TTN: variants seen among roughly 807,000 people sequenced by gnomAD.
TTN encodes the protein titin, also known as connectin.
Under a neutral mutation model 3,223.0 loss-of-function variants are expected in TTN, and 1,525 were observed. The observed-to-expected ratio is 0.47, with a 90% CI of 0.45 to 0.49. The LOEUF (loss-of-function observed/expected upper bound fraction) is 0.49. TTN is among the 20% of genes least tolerant of loss of function. The pLI is 0.00. For synonymous variants in TTN, 14,094 were observed against 15,161.0 expected (o/e 0.93, Z 5.17); for missense variants, 40,786 against 43,424.0 (o/e 0.94, Z 5.40).
At chr2:178,695,532 C>T (rs780946988) in intron 114 of TTN, 122 bp from the exon 115 acceptor site, 12 of 735,688 alleles carry the variant, frequency 1.6e-5, no homozygotes, top group South Asian at 6.8e-5. Context: ...TATTTGGGAT[C>T]GTTATTACCA....
rs76791946 is a variant in TTN, at chr2:178,743,153, T to C, written c.11312-1232A>G. Among the ~76,000 whole-genome samples the C allele has an allele frequency of 1.2e-3, 178 of 152,104 alleles. 1 individual carries two copies. Among genetic ancestry groups the C allele is most frequent in the African/African-American group, 4.1e-3 (172 of 41,546 alleles). On this transcript the variant is annotated intron_variant, in intron 47 of 362. Coordinates refer to ENST00000589042, the MANE Select transcript of TTN (RefSeq NM_001267550.2). ...GTTAAAATACCCTTACTCACTACTA[T>C]GTTGAACTATTTGCAAATATTTTAC... is the stretch of plus-strand genomic sequence containing the variant.
In TTN at chr2:178,692,038, C is replaced by A. The variant is rs772850520; in HGVS notation, c.31740G>T (p.Lys10580Asn). 16 of 1,612,710 alleles carry A rather than the reference C, an allele frequency of 9.9e-6. No individual in the cohort carries two copies. The African/African-American group carries it at 2.1e-4, about 22-fold the overall frequency. The change falls in exon 121 of 363, where the codon AAG (lysine) becomes AAT (asparagine). Residue 10580 changes from lysine (K) to asparagine (N), a missense_variant. Physicochemically the swap from Lys to Asn is moderately conservative, Grantham distance 94 (BLOSUM62 0). Transcript: ENST00000589042. Reference protein sequence around the residue: ...EEKKPVPVPKKEPAAPPKVPE... With the variant: ...EEKKPVPVPKNEPAAPPKVPE... Reference sequence around the variant, plus strand: ...TACCTTTTGGGGGAGCAGCAGGTTCCTTCTTAGGCACAGGAACTGGCTTTT... The same window carrying A: ...TACCTTTTGGGGGAGCAGCAGGTTCATTCTTAGGCACAGGAACTGGCTTTT...
intron 1 of TTN, 66 bp from the exon 2 acceptor site, chr2:178,804,721 A>G: frequency 1.4e-6 from 2 of 1,439,124 alleles, no homozygotes; most frequent in South Asian, 2.3e-5. Flanking sequence ...TGCTTTGCAG[A>G]TAGCAGAGAC....
rs374033036 is a variant in TTN, at chr2:178,569,030, G to A, written c.77102C>T (p.Pro25701Leu). 1.2e-6 allele frequency: 2 copies of A among 1,613,240 alleles called. No individual in the cohort carries two copies. The highest frequency in any genetic ancestry group is 2.7e-5 in the African/African-American group (2 of 74,974). ...ATCATCCACAGTTATTTTTCCAGGA[G>A]GTTGTGGCACTTCTGCAACCTTAAT... ...DPIKVAEVPQ[P>L]PGKITVDDVT... The change falls in exon 326 of 363, where the codon CCT becomes CTT. Residue 25701 changes from proline (P) to leucine (L), a missense_variant. Pro to Leu is a moderately conservative substitution (Grantham distance 98). Transcript: ENST00000589042.
chr2:178,545,310 T>G, intron 344 of TTN, 78 bp downstream of exon 344: 1 of 1,364,082 alleles, frequency 7.3e-7, no homozygotes, highest in Non-Finnish European at 9.7e-7. Flanking sequence ...TAAAAATTCT[T>G]AGAGATTGTG....
At chr2:178,806,846 G>T (rs2094339652) in intron 1 of TTN, among the ~76,000 whole-genome samples, 1 of 152,256 alleles carries the variant, frequency 6.6e-6, no homozygotes, top group South Asian at 2.1e-4. Flanking sequence ...GCTATTCTTG[G>T]TGTGCTTAAC....
chr2:178,758,526 G>A (rs892458704), intron 44 of TTN, among the ~76,000 whole-genome samples: 3 of 152,194 alleles, frequency 2.0e-5, no homozygotes, highest in Admixed American at 6.5e-5. Context: ...AGAGGAGGAT[G>A]AATATAGCTC....
Position 178,775,945 on chromosome 2 carries a change from G to T in TTN, c.5919C>A (p.Thr1973=). 1 of 1,614,074 alleles carries T rather than the reference G, an allele frequency of 6.2e-7. No individual in the cohort carries two copies. The highest frequency in any genetic ancestry group is 1.1e-5 in the South Asian group (1 of 91,074). The change falls in exon 28 of 363, where the codon ACC becomes ACA. Residue 1973 remains threonine, a synonymous_variant. Transcript: ENST00000589042. Reference sequence around the variant, plus strand: ...CCCTTTTCAACTTCACAACTTCTTTGGTTTCAGTGGTGTCAACAGGTCTAT... The same window carrying T: ...CCCTTTTCAACTTCACAACTTCTTTTGTTTCAGTGGTGTCAACAGGTCTAT... ...KVDRPVDTTE[T]KEVVKLKRAE...
rs1687468983 is a variant in TTN at position 178,528,386 on chromosome 2, A to C, written c.107265T>G (p.Asn35755Lys). The change falls in exon 361 of 363, where the codon AAT becomes AAG. Residue 35755 changes from asparagine to lysine, a missense_variant. Asn to Lys is a moderately conservative substitution (Grantham distance 94). Coordinates refer to ENST00000589042, the MANE Select transcript of TTN (RefSeq NM_001267550.2). ...SSNVSISRSR[N>K]VYSLEIRNAS... Reference sequence around the variant, plus strand: ...CATTTCGGATTTCAAGGGAGTATACATTTCTGGAGCGGCTTATGCTGACAT... The same window carrying C: ...CATTTCGGATTTCAAGGGAGTATACCTTTCTGGAGCGGCTTATGCTGACAT... 6.2e-7 allele frequency: 1 copy of C among 1,613,850 alleles called. No individual in the cohort carries two copies. Among genetic ancestry groups the C allele is most frequent in the African/African-American group, 1.3e-5 (1 of 74,928 alleles).
chr2:178,750,855 C>T, intron 47 of TTN: 2 of 1,613,070 alleles, frequency 1.2e-6, no homozygotes, highest in South Asian at 2.2e-5. Context: ...GATGACTCTC[C>T]AATTGTAGTA....
chr2:178,699,723 A>AT (rs58607203), intron 111 of TTN, among the ~76,000 whole-genome samples: 1,213 of 58,132 alleles, frequency 0.021, 42 homozygotes, highest in African/African-American at 0.07. Flanking sequence ...CTCTTTTTTA[A>AT]TTTTTTTTTT....
intron 220 of TTN, 48 bp downstream of exon 220, chr2:178,641,193 T>C: frequency 8.0e-7 from 1 of 1,244,762 alleles, no homozygotes. Flanking sequence ...TTGTTAAATG[T>C]CCATTTTGTT....
At position 178,717,435 on chromosome 2, in the gene TTN, C is replaced by T. The variant is rs62178977; in HGVS notation, c.25352-53G>A. On this transcript the variant is annotated intron_variant, in intron 87 of 362. Transcript: ENST00000589042. ...ATTTTTATTTCCATGCTCTCACATACAGAGCAGAAACTAAATGGCACCAGC... is the reference window on the plus strand; with the variant it reads ...ATTTTTATTTCCATGCTCTCACATATAGAGCAGAAACTAAATGGCACCAGC... 0.16 allele frequency: 258,247 copies of T among 1,572,786 alleles called. 23,713 individuals are homozygous for T. Among genetic ancestry groups the T allele is most frequent in the East Asian group, 0.44 (19,689 of 44,498 alleles).
In TTN at chr2:178,564,373, GT is replaced by G. The variant is rs2154162603; in HGVS notation, c.81758del (p.Asn27253ThrfsTer97). 1 of 1,613,660 alleles carries G rather than the reference GT, an allele frequency of 6.2e-7. No homozygotes were observed. Among genetic ancestry groups the G allele is most frequent in the Non-Finnish European group, 8.5e-7 (1 of 1,179,756 alleles). ...CACTACTATCAGATGGTTCACTAAA[GT>G]TTCCAGCTGCATTTCTTGCAATTAC... ...FRVIARNAAG[N>X]FSEPSDSSGA... On this transcript the variant is annotated frameshift_variant, in exon 326 of 363. Coordinates refer to ENST00000589042, the MANE Select transcript of TTN (RefSeq NM_001267550.2). LOFTEE classifies it high-confidence loss of function.
chr2:178,741,264 G>A lies in TTN; in HGVS notation c.11969C>T (p.Pro3990Leu), dbSNP rs33971253. ...TSVYYTIIHN[P>L]NGSGTFIVND... ...GACAATGAAAGTTCCAGAGCCATTA[G>A]GGTTATGAATGATAGTGTAATAAAC... Residue 3990 changes from proline (P) to leucine (L), a missense_variant, in exon 48 of 363, where the codon CCT (proline) becomes CTT (leucine). By Grantham distance (98) the Pro-to-Leu change is moderately conservative. Coordinates refer to ENST00000589042, the MANE Select transcript of TTN (RefSeq NM_001267550.2). The A allele has an allele frequency of 0.01, 16,197 of 1,613,806 alleles. 103 individuals carry two copies. The highest frequency in any genetic ancestry group is 0.013 in the Non-Finnish European group (14,904 of 1,179,834).
rs73038324 is a variant in TTN at position 178,696,120 on chromosome 2, C to T, written c.30952G>A (p.Glu10318Lys). Residue 10318 changes from glutamate to lysine, a missense_variant, in exon 114 of 363, where the codon GAA becomes AAA. Physicochemically the swap from Glu to Lys is moderately conservative, Grantham distance 56. Transcript: ENST00000589042. ...KEKRVFIESFEEPYDELEVEP... is the reference protein window; with the variant it reads ...KEKRVFIESFKEPYDELEVEP... ...ACCTCCAGTTCGTCATAAGGTTCTT[C>T]GAAAGATTCAATGAAGACTCTCTTC... The T allele has an allele frequency of 6.8e-3, 10,606 of 1,551,666 alleles. 559 individuals are homozygous for T. In the African/African-American group the frequency reaches 0.12, roughly 18 times the overall value.
chr2:178,565,744 A>C lies in TTN; in HGVS notation c.80388T>G (p.Ser26796Arg). Reference sequence around the variant, plus strand: ...CAGGTTTCTCCCACATAAGTGATGCACTGGTCTGGGACACATCAGTGAGTG... The same window carrying C: ...CAGGTTTCTCCCACATAAGTGATGCCCTGGTCTGGGACACATCAGTGAGTG... ...KVTLTDVSQT[S>R]ASLMWEKPEH... The change falls in exon 326 of 363, where the codon AGT becomes AGG. Residue 26796 changes from serine (S) to arginine (R), a missense_variant. Transcript: ENST00000589042. The C allele has an allele frequency of 6.2e-7, 1 of 1,613,576 alleles. No individual in the cohort carries two copies. The highest frequency in any genetic ancestry group is 8.5e-7 in the Non-Finnish European group (1 of 1,179,604).
rs368770038 is a variant in TTN, at chr2:178,782,836, C to T, written c.3070G>A (p.Val1024Ile). The T allele has an allele frequency of 2.5e-5, 41 of 1,613,338 alleles. No homozygotes were observed. The highest frequency in any genetic ancestry group is 3.3e-5 in the Non-Finnish European group (39 of 1,179,878). ...ACAGCCAGATAGCAGGATGTGCTGA[C>T]GGTTCCAGCCTCATTTACAGCACTG... ...TCSAVNEAGTVSTSCYLAVQV... is the reference protein window; with the variant it reads ...TCSAVNEAGTISTSCYLAVQV... The change falls in exon 18 of 363, where the codon GTC becomes ATC. Residue 1024 changes from valine (V) to isoleucine (I), a missense_variant. Val to Ile is a conservative substitution (Grantham distance 29, BLOSUM62 3). Transcript: ENST00000589042.
At chr2:178,626,611 G>A (rs1206324384) in intron 240 of TTN, among the ~76,000 whole-genome samples, 3 of 151,894 alleles carry the variant, frequency 2.0e-5, no homozygotes, top group Non-Finnish European at 2.9e-5. Context: ...GGCATGGTTA[G>A]TCACATAATT....
Sources: gnomAD v4.1 joint callset for allele counts (sites outside exome capture counted in the v4.1 genomes callset) on GRCh38, gnomAD v4.1.1 for gene constraint, MANE v1.5 for transcripts, NCBI Gene and HGNC (gene_info 2026-07-23, HGNC 2026-07-21) for gene names.